Variants in SYT1 observed in about 807,000 individuals in gnomAD.
SYT1 encodes the protein synaptotagmin 1, also known as synaptotagmin-1.
Under a neutral mutation model 44.8 loss-of-function variants are expected in SYT1, and 8 were observed. That is an observed-to-expected ratio of 0.18 (90% CI 0.10 to 0.32). SYT1 has a LOEUF of 0.32. SYT1 is among the 10% of genes least tolerant of loss of function. SYT1 has a pLI of 1.00. For synonymous variants in SYT1, 154 were observed against 188.8 expected (o/e 0.82, Z 1.51); for missense variants, 286 against 509.3 (o/e 0.56, Z 4.22).
chr12:79,222,086 G>GT (rs915429973), intron 4 of SYT1, among the ~76,000 whole-genome samples: 20 of 152,154 alleles, frequency 1.3e-4, no homozygotes, highest in East Asian at 1.9e-4. Context: ...TCTGTTGGCA[G>GT]TTTTTTTCTT....
intron 3 of SYT1, among the ~76,000 whole-genome samples, chr12:79,050,375 C>T (rs1259054934): frequency 6.6e-6 from 1 of 151,858 alleles, no homozygotes; most frequent in African/African-American, 2.4e-5. Flanking sequence ...AGAAGAAAAC[C>T]TGTGAATAAG....
chr12:78,928,380 A>G (rs1368471891), intron 1 of SYT1, among the ~76,000 whole-genome samples: 2 of 152,204 alleles, frequency 1.3e-5, no homozygotes, highest in Non-Finnish European at 2.9e-5. Context: ...ATGACAGCAA[A>G]GCTTGCATAA....
At chr12:78,950,428 T>C (rs1357426959) in intron 1 of SYT1, among the ~76,000 whole-genome samples, 1 of 152,106 alleles carries the variant, frequency 6.6e-6, no homozygotes, top group African/African-American at 2.4e-5. Flanking sequence ...ACACAGTTTC[T>C]AATAAGCCTC....
At chr12:79,251,785 A>G (rs1381126824) in intron 4 of SYT1, among the ~76,000 whole-genome samples, 1 of 152,146 alleles carries the variant, frequency 6.6e-6, no homozygotes, top group African/African-American at 2.4e-5. Context: ...TATAAAATAT[A>G]CTTTGCTTTT....
intron 2 of SYT1, among the ~76,000 whole-genome samples, chr12:79,000,787 TC>T (rs1354454100): frequency 1.3e-5 from 2 of 152,118 alleles, no homozygotes; most frequent in East Asian, 1.9e-4. Context: ...AACTTTTTTT[TC>T]ATCACGATTT....
rs368908036 is a variant in SYT1, at chr12:79,241,205, A to T, written c.166+23520A>T. Among the ~76,000 whole-genome samples the T allele has an allele frequency of 2.0e-5, 3 of 152,242 alleles. No homozygotes were observed. In the East Asian group the frequency reaches 5.8e-4, roughly 29 times the overall value. ...AAAACAAAAACAAATGGTAAGTAAAATTCTGAGATTCTAGAAAAAAGCGAT... is the reference window on the plus strand; with the variant it reads ...AAAACAAAAACAAATGGTAAGTAAATTTCTGAGATTCTAGAAAAAAGCGAT... On this transcript the variant is annotated intron_variant, in intron 4 of 10. Transcript: ENST00000261205.
intron 3 of SYT1, among the ~76,000 whole-genome samples, chr12:79,186,806 G>A (rs913110163): frequency 2.0e-5 from 3 of 151,984 alleles, no homozygotes; most frequent in African/African-American, 4.8e-5. Flanking sequence ...TGAATAATTA[G>A]TGAATGTCAA....
At position 79,242,439 on chromosome 12, in the gene SYT1, C is replaced by A. The variant is rs77037053; in HGVS notation, c.166+24754C>A. ...ACCTTTTGCAGTGAGAGGCCCCTCC[C>A]CTGTGGGCTTGAAATGCTGATTTAT... is the stretch of plus-strand genomic sequence containing the variant. On this transcript the variant is annotated intron_variant, in intron 4 of 10. Transcript: ENST00000261205. Among the ~76,000 whole-genome samples the A allele has an allele frequency of 2.6e-4, 40 of 152,274 alleles. No individual in the cohort carries two copies. In the East Asian group the frequency reaches 6.0e-3, roughly 23 times the overall value.
chr12:79,300,793 A>T (rs1239850409), intron 8 of SYT1, among the ~76,000 whole-genome samples: 2 of 113,122 alleles, frequency 1.8e-5, no homozygotes, highest in African/African-American at 7.7e-5. Flanking sequence ...TACTTATTAT[A>T]TATATATATA....
intron 2 of SYT1, among the ~76,000 whole-genome samples, chr12:79,023,597 T>C (rs986795373): frequency 4.6e-5 from 7 of 151,904 alleles, no homozygotes; most frequent in Non-Finnish European, 8.8e-5. Flanking sequence ...CTGTAGTCGT[T>C]GTTTTTAGTA....
At chr12:78,991,562 T>G (rs1024441975) in intron 2 of SYT1, among the ~76,000 whole-genome samples, 1 of 152,122 alleles carries the variant, frequency 6.6e-6, no homozygotes, top group Non-Finnish European at 1.5e-5. Flanking sequence ...AAGAGAAGAA[T>G]TCATGATTTG....
chr12:79,291,288 C>G (rs1358449417), intron 5 of SYT1, among the ~76,000 whole-genome samples: 1 of 152,100 alleles, frequency 6.6e-6, no homozygotes, highest in Non-Finnish European at 1.5e-5. Flanking sequence ...TTGTTTTTGA[C>G]AGAACTGCAA....
At chr12:78,955,659 G>A (rs532935206) in intron 1 of SYT1, 1 of 152,114 alleles carries the variant, frequency 6.6e-6, no homozygotes, top group South Asian at 2.1e-4. Context: ...TGCCATTTTT[G>A]GAGACACAAC....
intron 9 of SYT1, among the ~76,000 whole-genome samples, chr12:79,410,561 G>C (rs1868379305): frequency 6.7e-6 from 1 of 150,070 alleles, no homozygotes; most frequent in Non-Finnish European, 1.5e-5. Context: ...AAATAAAGCA[G>C]GTTATACAAG....
intron 9 of SYT1, among the ~76,000 whole-genome samples, chr12:79,362,615 G>A (rs984590425): frequency 6.6e-6 from 1 of 152,242 alleles, no homozygotes; most frequent in East Asian, 1.9e-4. Context: ...ATAAAGGGAT[G>A]AAGGGGCCGT....
At chr12:79,085,417 C>T (rs1294668085) in intron 3 of SYT1, among the ~76,000 whole-genome samples, 2 of 151,978 alleles carry the variant, frequency 1.3e-5, no homozygotes, top group African/African-American at 2.4e-5. Flanking sequence ...AATCTTAGTC[C>T]GTCTCTTCTG....
At chr12:79,205,770 G>T (rs1282848359) in intron 3 of SYT1, among the ~76,000 whole-genome samples, 2 of 152,098 alleles carry the variant, frequency 1.3e-5, no homozygotes, top group African/African-American at 4.8e-5. Flanking sequence ...TTTTCACTTG[G>T]CTCATGGATT....
chr12:78,977,386 C>CT, intron 1 of SYT1: 1 of 152,186 alleles, frequency 6.6e-6, no homozygotes, highest in East Asian at 1.9e-4. Context: ...AAGGATAGCA[C>CT]TCCAGTATCC....
intron 3 of SYT1, among the ~76,000 whole-genome samples, chr12:79,164,670 A>G (rs1871137102): frequency 6.6e-6 from 1 of 152,078 alleles, no homozygotes. Context: ...TCAAAATATT[A>G]GTTTCTCAAG....
Sources: gnomAD v4.1 joint callset for allele counts (sites outside exome capture counted in the v4.1 genomes callset) on GRCh38, gnomAD v4.1.1 for gene constraint, MANE v1.5 for transcripts, NCBI Gene and HGNC (gene_info 2026-07-23, HGNC 2026-07-21) for gene names.